The following KDM6A variants were observed in gnomAD, a reference collection of about 807,000 sequenced individuals.
The protein encoded by KDM6A is lysine demethylase 6A.
A neutral mutation model predicts 117.6 loss-of-function variants in KDM6A; 11 were observed. The ratio of observed to expected loss-of-function variants is 0.09; its 90% CI spans 0.06 to 0.15. The LOEUF is 0.15. KDM6A is among the 10% of genes least tolerant of loss of function. KDM6A has a pLI of 1.00. For synonymous variants in KDM6A, 384 were observed against 396.1 expected, an observed-to-expected ratio of 0.97 and a Z score of 0.36; for missense variants, 799 against 1,077.3, an observed-to-expected ratio of 0.74 and a Z score of 3.62.
chrX:45,012,080 G>A (rs940784654), intron 5 of KDM6A, among the ~76,000 whole-genome samples: 3 of 109,554 alleles, frequency 2.7e-5, no homozygotes, highest in South Asian at 3.8e-4. Context: ...GAGCCCCCAC[G>A]CTGGCATCAT....
intron 4 of KDM6A, among the ~76,000 whole-genome samples, chrX:44,989,210 C>T (rs1306420542): frequency 3.0e-5 from 3 of 100,497 alleles, no homozygotes; most frequent in Non-Finnish European, 4.0e-5. Context: ...GAGCCAGACA[C>T]GGGATATAAT....
chrX:44,990,591 A>AAATAAATAAAG (rs1335345598), intron 4 of KDM6A, among the ~76,000 whole-genome samples: 1 of 61,819 alleles, frequency 1.6e-5, no homozygotes. Flanking sequence ...AATAAATAAA[A>AAATAAATAAAG]GCTGTCATCT....
intron 27 of KDM6A, among the ~76,000 whole-genome samples, chrX:45,092,902 A>G (rs2148214271): frequency 9.0e-6 from 1 of 110,960 alleles, no homozygotes; most frequent in Non-Finnish European, 1.9e-5. Flanking sequence ...TTATGGGACA[A>G]AAAGGCCAGG....
At chrX:45,027,567 A>G (rs750626579) in intron 6 of KDM6A, among the ~76,000 whole-genome samples, 4 of 110,765 alleles carry the variant, frequency 3.6e-5, no homozygotes, top group Non-Finnish European at 7.6e-5. Flanking sequence ...GAAAAGTCCT[A>G]TCCCCTTGCC....
intron 8 of KDM6A, among the ~76,000 whole-genome samples, chrX:45,046,787 G>T (rs1202804347): frequency 9.0e-6 from 1 of 111,576 alleles, no homozygotes; most frequent in East Asian, 2.8e-4. Flanking sequence ...TGTGGTACTG[G>T]CATGTGAATA....
At chrX:44,993,959 G>T (rs938335024) in intron 4 of KDM6A, among the ~76,000 whole-genome samples, 3 of 111,756 alleles carry the variant, frequency 2.7e-5, no homozygotes, top group African/African-American at 9.8e-5. Flanking sequence ...GGGGAGTATT[G>T]CCTTCAGCAC....
chrX:45,008,267 A>G (rs2041595568), intron 4 of KDM6A, among the ~76,000 whole-genome samples: 2 of 111,335 alleles, frequency 1.8e-5, no homozygotes, highest in African/African-American at 3.3e-5. Flanking sequence ...CCAGCTGTTC[A>G]GGAGGCTGAG....
chrX:45,101,728 T>C (rs2046345231), intron 27 of KDM6A, among the ~76,000 whole-genome samples: 1 of 112,027 alleles, frequency 8.9e-6, no homozygotes, highest in South Asian at 3.7e-4. Flanking sequence ...TTAACTATTA[T>C]ACTTTGAGTT....
At chrX:44,934,719 G>A (rs1359840613) in intron 2 of KDM6A, among the ~76,000 whole-genome samples, 2 of 111,307 alleles carry the variant, frequency 1.8e-5, no homozygotes, top group East Asian at 2.8e-4. Flanking sequence ...GTGACTTGGG[G>A]ATAGATCTAT....
chrX:44,963,118 C>T (rs2038771115), intron 3 of KDM6A, among the ~76,000 whole-genome samples: 1 of 111,400 alleles, frequency 9.0e-6, no homozygotes, highest in Non-Finnish European at 1.9e-5. Context: ...TTGTTGTTAT[C>T]ATTTCCACAG....
intron 2 of KDM6A, among the ~76,000 whole-genome samples, chrX:44,941,498 T>A (rs985476989): frequency 9.3e-5 from 10 of 107,029 alleles, no homozygotes; most frequent in Non-Finnish European, 1.2e-4. Context: ...TTTTTTTTTT[T>A]AAAATAGAGT....
intron 18 of KDM6A, among the ~76,000 whole-genome samples, chrX:45,073,939 A>C (rs2044987126): frequency 9.0e-6 from 1 of 111,708 alleles, no homozygotes; most frequent in Non-Finnish European, 1.9e-5. Context: ...TTAGTCATGA[A>C]GTCCTTGCCC....
chrX:45,092,823 G>T (rs764217595), intron 27 of KDM6A, among the ~76,000 whole-genome samples: 16 of 111,389 alleles, frequency 1.4e-4, no homozygotes, highest in African/African-American at 4.6e-4. Flanking sequence ...ACTACACAAA[G>T]ATCTATGGGT....
Position 45,082,595 on chromosome X carries a change from G to A in KDM6A, c.3320G>A (p.Ser1107Asn). ...ESLREENEKR[S>N]HHKDHSDSES... ...CTATAGGAAGAAAATGAAAAAAGAA[G>A]TCATCATAAAGACCACTCAGATAGT... is the stretch of plus-strand genomic sequence containing the variant. The change falls in exon 22 of 30, where the codon AGT (serine) becomes AAT (asparagine). Residue 1107 changes from serine (S) to asparagine (N), a missense_variant. By Grantham distance (46) the Ser-to-Asn change is conservative (BLOSUM62 1). This residue lies in a region of KDM6A where 291 missense variants were observed against 437.9 expected (regional missense o/e 0.66). Transcript: ENST00000611820. The A allele has an allele frequency of 1.7e-6, 2 of 1,193,224 alleles. No homozygotes were observed. Among genetic ancestry groups the A allele is most frequent in the Non-Finnish European group, 2.3e-6 (2 of 880,198 alleles).
intron 2 of KDM6A, among the ~76,000 whole-genome samples, chrX:44,928,001 C>T (rs1435394186): frequency 9.1e-6 from 1 of 110,078 alleles, no homozygotes; most frequent in East Asian, 2.8e-4. Flanking sequence ...CAAAAGTTTT[C>T]GAGCCATGCA....
At chrX:44,892,254 A>G (rs1039760726) in intron 2 of KDM6A, among the ~76,000 whole-genome samples, 43 of 112,364 alleles carry the variant, frequency 3.8e-4, no homozygotes, top group Non-Finnish European at 5.6e-5. Context: ...CTATGTCTAC[A>G]TAAAAGCTTG....
At chrX:45,008,949 T>G (rs1407055206) in intron 4 of KDM6A, among the ~76,000 whole-genome samples, 1 of 111,829 alleles carries the variant, frequency 8.9e-6, no homozygotes, top group East Asian at 2.8e-4. Context: ...CATTTGACAA[T>G]GTATTTAAGA....
In KDM6A at chrX:44,961,924, G is replaced by A. The variant is rs147133388; in HGVS notation, c.334+532G>A. 6.6e-3 allele frequency among the ~76,000 whole-genome samples: 731 copies of A among 111,482 alleles called. 6 individuals carry two copies. Among genetic ancestry groups the A allele is most frequent in the African/African-American group, 0.023 (705 of 30,658 alleles). ...TGAGTTAAATAACTGAAAGTAGTCA[G>A]CCCCCTAAGATTTGCCCTTTTTATG... On this transcript the variant is annotated intron_variant, in intron 3 of 29. Coordinates refer to ENST00000611820, the MANE Select transcript of KDM6A (RefSeq NM_001291415.2).
At chrX:45,076,171 T>C (rs1381906086) in intron 18 of KDM6A, among the ~76,000 whole-genome samples, 1 of 111,470 alleles carries the variant, frequency 9.0e-6, no homozygotes, top group Non-Finnish European at 1.9e-5. Context: ...TAGCATAATT[T>C]GCTGTATAGT....
Sources: allele counts gnomAD v4.1 joint callset (sites outside exome capture counted in the v4.1 genomes callset), GRCh38; gene constraint gnomAD v4.1.1; regional missense constraint gnomAD v4.1.1; transcripts MANE v1.5; gene names NCBI Gene and HGNC (gene_info 2026-07-23, HGNC 2026-07-21).